The following SMOX variants were observed in gnomAD, a reference collection of about 807,000 sequenced individuals.
SMOX encodes the protein flavin containing amine oxidase.
In SMOX, 22 loss-of-function variants were observed where a neutral mutation model predicts 51.0. The ratio of observed to expected loss-of-function variants is 0.43; its 90% CI spans 0.31 to 0.62. The LOEUF is 0.62. Among genes scored for constraint, SMOX ranks in the 20% least tolerant of loss-of-function variants. SMOX has a pLI of 0.10. For missense variants in SMOX, 566 were observed against 777.7 expected (o/e 0.73, Z 3.24); for synonymous variants, 282 against 307.8 (o/e 0.92, Z 0.88).
chr20:4,156,243 T>C (rs1229311724), intron 1 of SMOX, among the ~76,000 whole-genome samples: 1 of 152,116 alleles, frequency 6.6e-6, no homozygotes, highest in African/African-American at 2.4e-5. Flanking sequence ...CTGCCAATAA[T>C]GTCCCACCCA....
chr20:4,158,076 A>AT (rs1272853262), intron 1 of SMOX, among the ~76,000 whole-genome samples: 3 of 147,736 alleles, frequency 2.0e-5, no homozygotes, highest in East Asian at 4.1e-4. Context: ...AATTTTTTGT[A>AT]TTTTTAGTAG....
At position 4,183,188 on chromosome 20, in the gene SMOX, A is replaced by G. The variant is rs1167287540; in HGVS notation, c.1370-306A>G. ...TTCAGCTCAACATTTTTCACCCACT[A>G]TTCCAGGAGGACCTCACGAGAACCC... On this transcript the variant is annotated intron_variant, in intron 5 of 6. Transcript: ENST00000305958. This position sits in a 1 kb window ranked among gnomAD's most constrained non-coding sequence, Gnocchi z 4.3. 7.1e-6 allele frequency: 4 copies of G among 563,706 alleles called. No individual in the cohort carries two copies. Among genetic ancestry groups the G allele is most frequent in the South Asian group, 4.2e-5 (2 of 47,558 alleles). 34.9% of individuals were successfully genotyped at this position (563,706 alleles called of 1,614,324 possible). A position where few individuals can be genotyped will look rare whatever the true frequency, so the allele number is the denominator to read the frequency against.
intron 1 of SMOX, among the ~76,000 whole-genome samples, chr20:4,161,398 C>T (rs143686547): frequency 6.6e-6 from 1 of 152,284 alleles, no homozygotes; most frequent in African/African-American, 2.4e-5. Flanking sequence ...ATAATCAGAC[C>T]CCTGGGCTGA....
intron 1 of SMOX, among the ~76,000 whole-genome samples, chr20:4,168,573 T>C (rs566317074): frequency 7.2e-5 from 11 of 151,974 alleles, no homozygotes; most frequent in African/African-American, 2.7e-4. Context: ...TTTTTTTTTT[T>C]TGAGACGGAG....
In SMOX at chr20:4,167,806, T is replaced by C. The variant is rs905490897; in HGVS notation, c.-26-7224T>C. ...CTGGCCCAGCAGTCCTTTTACTTCCTGGCCAGCCTGAGTGAGGAGGCTGGG... is the reference window on the plus strand; with the variant it reads ...CTGGCCCAGCAGTCCTTTTACTTCCCGGCCAGCCTGAGTGAGGAGGCTGGG... On this transcript the variant is annotated intron_variant, in intron 1 of 6. Transcript: ENST00000305958. The surrounding 1 kb of genome is among the most constrained non-coding windows in gnomAD (Gnocchi z 4.8). Among the ~76,000 whole-genome samples, 6 of 152,034 alleles carry C rather than the reference T, an allele frequency of 3.9e-5. No homozygotes were observed. Among genetic ancestry groups the C allele is most frequent in the African/African-American group, 1.4e-4 (6 of 41,398 alleles).
At chr20:4,158,104 G>GGT (rs1986117718) in intron 1 of SMOX, among the ~76,000 whole-genome samples, 1 of 149,758 alleles carries the variant, frequency 6.7e-6, no homozygotes, top group Non-Finnish European at 1.5e-5. Flanking sequence ...GTTTCACCTT[G>GGT]TTAGCCAGGA....
rs1406398620 is a variant in SMOX, at chr20:4,167,269, C to G, written c.-26-7761C>G. On this transcript the variant is annotated intron_variant, in intron 1 of 6. Transcript: ENST00000305958. This position sits in a 1 kb window ranked among gnomAD's most constrained non-coding sequence, Gnocchi z 4.8. ...AGTAGGGTTGGGGCCAAGGTGAAGGCTGGGTTCTGAGCTCAGATGAAGATT... is the reference window on the plus strand; with the variant it reads ...AGTAGGGTTGGGGCCAAGGTGAAGGGTGGGTTCTGAGCTCAGATGAAGATT... Among the ~76,000 whole-genome samples, 3 of 152,222 alleles carry G rather than the reference C, an allele frequency of 2.0e-5. No individual in the cohort carries two copies. The highest frequency in any genetic ancestry group is 1.9e-4 in the East Asian group (1 of 5,164).
intron 3 of SMOX, among the ~76,000 whole-genome samples, chr20:4,178,709 G>A (rs1244250273): frequency 6.9e-6 from 1 of 144,826 alleles, no homozygotes; most frequent in Non-Finnish European, 1.5e-5. Flanking sequence ...TTGAGACGGA[G>A]TTTCGCTCTT....
Position 4,182,640 on chromosome 20 carries a change from G to T in SMOX, c.1161G>T (p.Val387=). The change falls in exon 5 of 7, where the codon GTG becomes GTT. Residue 387 remains valine, a synonymous_variant. Transcript: ENST00000305958. This position sits in a 1 kb window ranked among gnomAD's most constrained non-coding sequence, Gnocchi z 8.4. ...WGPECNSLQF[V]WEDEAESHTL... ...CTGAGTGCAACAGCCTACAGTTTGT[G>T]TGGGAGGACGAAGCAGAGAGCCACA... The T allele has an allele frequency of 1.2e-6, 2 of 1,614,090 alleles. No homozygotes were observed. Among genetic ancestry groups the T allele is most frequent in the Non-Finnish European group, 1.7e-6 (2 of 1,180,004 alleles).
intron 1 of SMOX, among the ~76,000 whole-genome samples, chr20:4,173,262 C>T (rs1466294321): frequency 6.6e-6 from 1 of 152,194 alleles, no homozygotes; most frequent in African/African-American, 2.4e-5. Context: ...CTCTTCTGAC[C>T]TCTGGCTTCA....
chr20:4,152,512 AG>A (rs1985812570), intron 1 of SMOX, among the ~76,000 whole-genome samples: 1 of 150,846 alleles, frequency 6.6e-6, no homozygotes, highest in Admixed American at 6.6e-5. Flanking sequence ...ACCCCTGGAC[AG>A]GGGGACAGGG....
intron 1 of SMOX, among the ~76,000 whole-genome samples, chr20:4,162,446 G>A (rs906309609): frequency 2.0e-5 from 3 of 152,260 alleles, no homozygotes; most frequent in African/African-American, 7.2e-5. Flanking sequence ...TGCACGTGCA[G>A]TTTCCCTGCG....
Position 4,166,039 on chromosome 20 carries a change from T to C in SMOX, c.-26-8991T>C, listed in dbSNP as rs551601910. Among the ~76,000 whole-genome samples, 48 of 152,300 alleles carry C rather than the reference T, an allele frequency of 3.2e-4. No individual in the cohort carries two copies. Among genetic ancestry groups the C allele is most frequent in the African/African-American group, 1.1e-3 (45 of 41,564 alleles). ...AGAAACCTGGAGGTGGAAACTTAGC[T>C]GGTGGGGCTGGCCCAGAGCTTGAAA... On this transcript the variant is annotated intron_variant, in intron 1 of 6. Transcript: ENST00000305958. This position sits in a 1 kb window ranked among gnomAD's most constrained non-coding sequence, Gnocchi z 4.2.
At chr20:4,178,041 G>T (rs934037899) in intron 3 of SMOX, among the ~76,000 whole-genome samples, 25 of 152,078 alleles carry the variant, frequency 1.6e-4, no homozygotes, top group Middle Eastern at 3.2e-3. Flanking sequence ...TTAATTTTTT[G>T]TTGTTGTTGT....
intron 1 of SMOX, among the ~76,000 whole-genome samples, chr20:4,164,034 G>A (rs764751357): frequency 6.6e-6 from 1 of 152,134 alleles, no homozygotes; most frequent in African/African-American, 2.4e-5. Flanking sequence ...TCCTGTTGTT[G>A]CACCTGCAGC....
rs1223287107 is a variant in SMOX, at chr20:4,149,250, C to T, written c.-27+273C>T. On this transcript the variant is annotated intron_variant, in intron 1 of 6. Coordinates refer to ENST00000305958, the MANE Select transcript of SMOX (RefSeq NM_175839.3). This position sits in a 1 kb window ranked among gnomAD's most constrained non-coding sequence, Gnocchi z 6.0. ...GGCCGGGGTGGCGGCGATCCCGGCG[C>T]CAGGGCTGCTCGGCCCGGGCCGGGC... Among the ~76,000 whole-genome samples, 2 of 149,978 alleles carry T rather than the reference C, an allele frequency of 1.3e-5. No individual in the cohort carries two copies. Among genetic ancestry groups the T allele is most frequent in the African/African-American group, 4.9e-5 (2 of 40,998 alleles).
In SMOX at chr20:4,153,006, C is replaced by G. The variant is rs185702530; in HGVS notation, c.-27+4029C>G. On this transcript the variant is annotated intron_variant, in intron 1 of 6. Coordinates refer to ENST00000305958, the MANE Select transcript of SMOX (RefSeq NM_175839.3). The surrounding 1 kb of genome is among the most constrained non-coding windows in gnomAD (Gnocchi z 4.4). ...TCATGCCTCTCAGTTATGTGTCAGC[C>G]GAGGGCTTCCTAAGAAGAGGCTTTT... Among the ~76,000 whole-genome samples, 13 of 152,260 alleles carry G rather than the reference C, an allele frequency of 8.5e-5. No homozygotes were observed. Among genetic ancestry groups the G allele is most frequent in the Non-Finnish European group, 1.8e-4 (12 of 68,030 alleles).
Position 4,155,382 on chromosome 20 carries a change from C to G in SMOX, c.-27+6405C>G, listed in dbSNP as rs552447279. ...ATGAGCTGCTGTCGGGGGTCTTATCCCACTCTGGCCACCTCTGCGGCGTAC... is the reference window on the plus strand; with the variant it reads ...ATGAGCTGCTGTCGGGGGTCTTATCGCACTCTGGCCACCTCTGCGGCGTAC... On this transcript the variant is annotated intron_variant, in intron 1 of 6. Transcript: ENST00000305958. 9.7e-4 allele frequency among the ~76,000 whole-genome samples: 147 copies of G among 151,774 alleles called. 3 individuals are homozygous for G. Among genetic ancestry groups the G allele is most frequent in the African/African-American group, 3.5e-3 (147 of 41,414 alleles).
At chr20:4,168,920 ATTTTATTTTATTTTATT>A (rs1986700530) in intron 1 of SMOX, among the ~76,000 whole-genome samples, 1 of 143,878 alleles carries the variant, frequency 7.0e-6, no homozygotes, top group Admixed American at 7.1e-5. Flanking sequence ...ATTTTATTTT[ATTTTATTTTATTTTATT>A]TTATTTTATT....
Sources: gnomAD v4.1 joint callset for allele counts (sites outside exome capture counted in the v4.1 genomes callset) on GRCh38, gnomAD v4.1.1 for gene constraint, Gnocchi (gnomAD v3.1) non-coding constraint, MANE v1.5 for transcripts, NCBI Gene and HGNC (gene_info 2026-07-23, HGNC 2026-07-21) for gene names.